The following STXBP5 variants were observed in gnomAD, a reference collection of about 807,000 sequenced individuals.
The protein encoded by STXBP5 is syntaxin binding protein 5.
A neutral mutation model predicts 152.4 loss-of-function variants in STXBP5; 50 were observed. The ratio of observed to expected loss-of-function variants is 0.33; its 90% CI spans 0.26 to 0.42. The LOEUF (loss-of-function observed/expected upper bound fraction) is 0.42. STXBP5 is among the 10% of genes least tolerant of loss of function. STXBP5 has a pLI of 1.00. For synonymous variants in STXBP5, 492 were observed against 494.7 expected (o/e 0.99, Z 0.07); for missense variants, 1,167 against 1,388.6 (o/e 0.84, Z 2.54).
At chr6:147,332,303 C>T (rs1483568493) in intron 18 of STXBP5, among the ~76,000 whole-genome samples, 1 of 152,148 alleles carries the variant, frequency 6.6e-6, no homozygotes, top group Non-Finnish European at 1.5e-5. Context: ...AAGAGACACA[C>T]ACTTAAGAAG....
At chr6:147,373,878 T>G (rs747264047) in intron 26 of STXBP5, 36 bp downstream of exon 26, 5 of 1,524,942 alleles carry the variant, frequency 3.3e-6, no homozygotes, top group Non-Finnish European at 3.6e-6. Flanking sequence ...AATATATCTA[T>G]AAAACAGGAA....
rs750317521 is a variant in STXBP5, at chr6:147,327,166, A to G, written c.1970A>G (p.Tyr657Cys). The G allele has an allele frequency of 2.5e-6, 4 of 1,613,702 alleles. No individual in the cohort carries two copies. Among genetic ancestry groups the G allele is most frequent in the Non-Finnish European group, 3.4e-6 (4 of 1,179,942 alleles). The change falls in exon 18 of 28, where the codon TAC becomes TGC. Residue 657 changes from tyrosine (Y) to cysteine (C), a missense_variant. Transcript: ENST00000321680. ...TGCAATGGCATTGCTATGGTTGACT[A>G]CCTCCAGAAAGCAGTGCTGCTCAAC... ...GNCNGIAMVD[Y>C]LQKAVLLNLG...
intron 21 of STXBP5, among the ~76,000 whole-genome samples, chr6:147,344,685 A>AG (rs1341409279): frequency 2.0e-5 from 3 of 152,224 alleles, no homozygotes; most frequent in African/African-American, 7.2e-5. Flanking sequence ...GCTCAGCCTA[A>AG]GGGCATCATT....
intron 22 of STXBP5, among the ~76,000 whole-genome samples, chr6:147,358,554 G>T (rs1784913181): frequency 6.6e-6 from 1 of 152,026 alleles, no homozygotes; most frequent in Admixed American, 6.6e-5. Flanking sequence ...AAACAATGCA[G>T]GTGTTAAGGA....
At chr6:147,224,423 T>C (rs1287008095) in intron 2 of STXBP5, among the ~76,000 whole-genome samples, 1 of 152,150 alleles carries the variant, frequency 6.6e-6, no homozygotes, top group Non-Finnish European at 1.5e-5. Context: ...TGAGACTGTG[T>C]CTCCAGATAA....
chr6:147,301,371 C>G (rs1413030187), intron 9 of STXBP5, among the ~76,000 whole-genome samples: 1 of 152,088 alleles, frequency 6.6e-6, no homozygotes, highest in Non-Finnish European at 1.5e-5. Flanking sequence ...GATTATGGCA[C>G]TTGGTCTTAC....
chr6:147,327,333 A>T (rs1166244519), intron 18 of STXBP5, 57 bp downstream of exon 18: 2 of 1,561,204 alleles, frequency 1.3e-6, no homozygotes, highest in East Asian at 2.2e-5. Context: ...ATGCTGGCTT[A>T]CTTTTGTGAA....
At chr6:147,213,652 A>G (rs1777012092) in intron 2 of STXBP5, among the ~76,000 whole-genome samples, 1 of 152,006 alleles carries the variant, frequency 6.6e-6, no homozygotes. Context: ...GTAGTGTAGC[A>G]GTAATAATTA....
At chr6:147,209,608 G>T (rs941151378) in intron 2 of STXBP5, among the ~76,000 whole-genome samples, 2 of 151,968 alleles carry the variant, frequency 1.3e-5, no homozygotes, top group East Asian at 3.9e-4. Flanking sequence ...TAATACAAAA[G>T]AAATGAAAAT....
At chr6:147,309,347 A>G (rs1221208604) in intron 9 of STXBP5, among the ~76,000 whole-genome samples, 1 of 152,140 alleles carries the variant, frequency 6.6e-6, no homozygotes, top group African/African-American at 2.4e-5. Flanking sequence ...ACCACCAATA[A>G]ATGGAAAGAC....
Position 147,205,992 on chromosome 6 carries a change from T to C in STXBP5, c.172T>C (p.Tyr58His), listed in dbSNP as rs1397960072. The C allele has an allele frequency of 1.9e-6, 3 of 1,614,044 alleles. No individual in the cohort carries two copies. In the African/African-American group the frequency reaches 4.0e-5, roughly 22 times the overall value. ...CTAGACTGTTCGCCATGGATTTCCCTATCAACCCTCAGCCCTGGCCTTTGA... is the reference window on the plus strand; with the variant it reads ...CTAGACTGTTCGCCATGGATTTCCCCATCAACCCTCAGCCCTGGCCTTTGA... ...LCKTVRHGFP[Y>H]QPSALAFDPV... Residue 58 changes from tyrosine to histidine, a missense_variant, in exon 2 of 28, where the codon TAT becomes CAT. By Grantham distance (83) the Tyr-to-His change is moderately conservative (BLOSUM62 2). Transcript: ENST00000321680.
At chr6:147,314,205 A>ACC (rs1183968985) in intron 12 of STXBP5, 59 bp from the exon 13 acceptor site, 3 of 1,444,456 alleles carry the variant, frequency 2.1e-6, no homozygotes, top group Admixed American at 1.7e-5. Flanking sequence ...ACACACACAC[A>ACC]CACACGGAGG....
intron 25 of STXBP5, among the ~76,000 whole-genome samples, chr6:147,368,981 G>A (rs1785421598): frequency 6.6e-6 from 1 of 151,592 alleles, no homozygotes; most frequent in African/African-American, 2.4e-5. Flanking sequence ...TGTAGGAATT[G>A]ACAAATTTAT....
At chr6:147,249,426 A>G (rs1778977905) in intron 4 of STXBP5, among the ~76,000 whole-genome samples, 1 of 152,142 alleles carries the variant, frequency 6.6e-6, no homozygotes, top group African/African-American at 2.4e-5. Context: ...TGTTTGTAGG[A>G]CTCAGTACTT....
At chr6:147,326,272 A>G (rs1330801736) in intron 17 of STXBP5, among the ~76,000 whole-genome samples, 1 of 152,234 alleles carries the variant, frequency 6.6e-6, no homozygotes, top group East Asian at 1.9e-4. Flanking sequence ...AAAAAGAACC[A>G]ATAGGAAGTT....
intron 2 of STXBP5, among the ~76,000 whole-genome samples, chr6:147,212,197 G>A (rs2115036935): frequency 6.6e-6 from 1 of 152,270 alleles, no homozygotes; most frequent in Middle Eastern, 3.4e-3. Context: ...GATTTCTTGT[G>A]GAAGGAAACA....
chr6:147,218,580 G>A (rs1039005716), intron 2 of STXBP5, among the ~76,000 whole-genome samples: 11 of 151,822 alleles, frequency 7.2e-5, no homozygotes, highest in Non-Finnish European at 1.5e-4. Flanking sequence ...TCCTGGGCTC[G>A]AGCAATCCTT....
chr6:147,247,052 A>T (rs1451079404), intron 4 of STXBP5, among the ~76,000 whole-genome samples: 2 of 152,210 alleles, frequency 1.3e-5, no homozygotes, highest in Non-Finnish European at 2.9e-5. Context: ...TAGTATGCAC[A>T]TTAGTGCATA....
At chr6:147,257,773 T>A (rs777358539) in intron 4 of STXBP5, among the ~76,000 whole-genome samples, 4 of 152,210 alleles carry the variant, frequency 2.6e-5, no homozygotes, top group Non-Finnish European at 4.4e-5. Context: ...ATTTTATTAC[T>A]AATAGGTCAA....
Sources: allele counts gnomAD v4.1 joint callset (sites outside exome capture counted in the v4.1 genomes callset), GRCh38; gene constraint gnomAD v4.1.1; transcripts MANE v1.5; gene names NCBI Gene and HGNC (gene_info 2026-07-23, HGNC 2026-07-21).